The following ADGB variants were observed in gnomAD, a reference collection of about 807,000 sequenced individuals.
ADGB encodes the protein androglobin.
ADGB carries 172 observed loss-of-function variants against 210.5 expected under a neutral mutation model. The ratio of observed to expected loss-of-function variants is 0.82; its 90% CI spans 0.72 to 0.93. The LOEUF is 0.93. Among genes scored for constraint, ADGB ranks in the 40% least tolerant of loss-of-function variants. The pLI, the probability that ADGB is intolerant of heterozygous loss-of-function variation, is 0.00. For missense variants in ADGB, 2,025 were observed against 1,964.8 expected (o/e 1.03, Z -0.58); for synonymous variants, 658 against 662.7 (o/e 0.99, Z 0.11).
intron 4 of ADGB, among the ~76,000 whole-genome samples, chr6:146,655,272 A>T (rs1775763022): frequency 6.6e-6 from 1 of 152,152 alleles, no homozygotes; most frequent in Non-Finnish European, 1.5e-5. Flanking sequence ...GCCCTATGCC[A>T]TGTCAAGAGG....
chr6:146,696,344 G>A (rs1208806804), intron 12 of ADGB, among the ~76,000 whole-genome samples: 1 of 149,302 alleles, frequency 6.7e-6, no homozygotes. Flanking sequence ...CCAAAGTGCT[G>A]GGATTACAGG....
intron 13 of ADGB, among the ~76,000 whole-genome samples, chr6:146,701,901 C>G (rs1446724808): frequency 6.6e-6 from 1 of 151,830 alleles, no homozygotes; most frequent in African/African-American, 2.4e-5. Flanking sequence ...GCTGTAATTT[C>G]AAAGTAGTAA....
intron 1 of ADGB, among the ~76,000 whole-genome samples, chr6:146,624,029 GT>G (rs1780937470): frequency 6.6e-6 from 1 of 151,778 alleles, no homozygotes; most frequent in Admixed American, 6.6e-5. Context: ...TTGGGTTCCA[GT>G]TTTCTTTTAT....
intron 33 of ADGB, among the ~76,000 whole-genome samples, chr6:146,798,635 C>A (rs1049497174): frequency 1.6e-4 from 24 of 151,512 alleles, no homozygotes; most frequent in African/African-American, 5.6e-4. Context: ...AAACTGTATT[C>A]TCCGACAACA....
intron 2 of ADGB, among the ~76,000 whole-genome samples, chr6:146,643,667 T>A (rs558074280): frequency 2.0e-5 from 3 of 151,974 alleles, no homozygotes; most frequent in South Asian, 4.1e-4. Context: ...AATTGCATTC[T>A]TGGGCATTTA....
At position 146,803,723 on chromosome 6, in the gene ADGB, CCGGCGCCTCATGGTACCG is replaced by C. The variant is rs1778166346; in HGVS notation, c.4818+1723_4818+1740del. 3.1e-6 allele frequency: 3 copies of C among 977,494 alleles called. No homozygotes were observed. In the South Asian group the frequency reaches 4.3e-5, roughly 14 times the overall value. The allele number at this position is 977,494 out of a possible 1,614,324, so 60.6% of individuals were successfully genotyped here. Reference sequence around the variant, plus strand: ...TTCCGATGCCATAATCTCTTAAGTACCGGCGCCTCATGGTACCGCGGCGCCTCAGCCCAGCCTCCGCGC... The same window carrying C: ...TTCCGATGCCATAATCTCTTAAGTACCGGCGCCTCAGCCCAGCCTCCGCGC... On this transcript the variant is annotated intron_variant, in intron 35 of 35. Coordinates refer to ENST00000397944, the MANE Select transcript of ADGB (RefSeq NM_024694.4).
rs191839983 is a variant in ADGB, at chr6:146,630,121, C to T, written c.75-5254C>T. 3.3e-3 allele frequency among the ~76,000 whole-genome samples: 507 copies of T among 152,008 alleles called. 2 individuals are homozygous for T. Among genetic ancestry groups the T allele is most frequent in the African/African-American group, 0.011 (468 of 41,454 alleles). On this transcript the variant is annotated intron_variant, in intron 1 of 35. Transcript: ENST00000397944. ...GCATGGTGGCAGGTGCCTGTAGTCC[C>T]AGATGCTCAGGAGGCTGAAGGAGGA...
intron 29 of ADGB, among the ~76,000 whole-genome samples, chr6:146,779,765 T>C (rs924439402): frequency 8.6e-5 from 13 of 151,306 alleles, no homozygotes; most frequent in African/African-American, 2.9e-4. Context: ...AAAAAACAAC[T>C]GAAAATATTT....
At chr6:146,766,391 C>T (rs1777573609) in intron 28 of ADGB, among the ~76,000 whole-genome samples, 1 of 151,438 alleles carries the variant, frequency 6.6e-6, no homozygotes, top group African/African-American at 2.4e-5. Context: ...TGTACCACTG[C>T]ATTCCAGGCT....
intron 7 of ADGB, among the ~76,000 whole-genome samples, chr6:146,670,880 C>T (rs116788055): frequency 0.013 from 2,001 of 152,258 alleles, 44 homozygotes; most frequent in African/African-American, 0.045. Flanking sequence ...TCTTTGGGAA[C>T]TCAGAACAGA....
intron 5 of ADGB, among the ~76,000 whole-genome samples, chr6:146,660,486 T>A (rs139053704): frequency 6.6e-6 from 1 of 152,144 alleles, no homozygotes; most frequent in East Asian, 1.9e-4. Context: ...CATAAAGCTA[T>A]TGTACATAAT....
intron 8 of ADGB, among the ~76,000 whole-genome samples, chr6:146,674,516 T>C (rs9485111): frequency 0.28 from 42,985 of 151,976 alleles, 7,000 homozygotes; most frequent in African/African-American, 0.45. Context: ...GGGCACAGGT[T>C]ATGGGAGAGT....
At chr6:146,755,618 T>C (rs1777395513) in intron 27 of ADGB, among the ~76,000 whole-genome samples, 1 of 152,092 alleles carries the variant, frequency 6.6e-6, no homozygotes, top group African/African-American at 2.4e-5. Flanking sequence ...CCTCTTTCCT[T>C]TATAAATTAT....
At chr6:146,625,313 A>G (rs1213926487) in intron 1 of ADGB, among the ~76,000 whole-genome samples, 1 of 152,110 alleles carries the variant, frequency 6.6e-6, no homozygotes, top group Non-Finnish European at 1.5e-5. Flanking sequence ...TGTTATTATG[A>G]AATCACATTC....
chr6:146,794,135 G>T (rs573197019), intron 33 of ADGB, among the ~76,000 whole-genome samples: 38 of 152,144 alleles, frequency 2.5e-4, no homozygotes, highest in Non-Finnish European at 5.0e-4. Flanking sequence ...CTGATTTCCT[G>T]GGGTAATGTT....
chr6:146,763,630 T>C (rs1182840749), intron 27 of ADGB, among the ~76,000 whole-genome samples: 1 of 152,166 alleles, frequency 6.6e-6, no homozygotes, highest in Non-Finnish European at 1.5e-5. Flanking sequence ...GTCATTCAAG[T>C]GGCACAAAAT....
chr6:146,747,006 G>T (rs1314522961), intron 26 of ADGB, among the ~76,000 whole-genome samples: 1 of 151,914 alleles, frequency 6.6e-6, no homozygotes, highest in African/African-American at 2.4e-5. Context: ...TAATTAGTTG[G>T]CTCTGGTCAT....
In ADGB at chr6:146,717,565, C is replaced by G. The variant is rs564673148; in HGVS notation, c.1958C>G (p.Ser653Ter). 1 of 1,409,698 alleles carries G rather than the reference C, an allele frequency of 7.1e-7. No individual in the cohort carries two copies. The highest frequency in any genetic ancestry group is 1.5e-5 in the African/African-American group (1 of 68,808). 87.3% of individuals were successfully genotyped at this position (1,409,698 alleles called of 1,614,324 possible). The change falls in exon 16 of 36, where the codon TCA (serine) becomes TGA (stop). Residue 653 changes from serine (S) to a stop codon, truncating the protein, a stop_gained. Coordinates refer to ENST00000397944, the MANE Select transcript of ADGB (RefSeq NM_024694.4). LOFTEE classifies it high-confidence loss of function. ...ATATATATTTTCCACAAGCCAAGTT[C>G]ATATTGCCTTAACTTTCAAAAATCA... The part of the protein sequence containing the change: ...QNIYIFHKPS[S>*]YCLNFQKSEF...
At chr6:146,643,297 AACCTG>A (rs1775545767) in intron 2 of ADGB, among the ~76,000 whole-genome samples, 1 of 151,906 alleles carries the variant, frequency 6.6e-6, no homozygotes, top group Non-Finnish European at 1.5e-5. Flanking sequence ...CCTCAAATAT[AACCTG>A]TTTCTCAGGC....
Sources: gnomAD v4.1 joint callset for allele counts (sites outside exome capture counted in the v4.1 genomes callset) on GRCh38, gnomAD v4.1.1 for gene constraint, MANE v1.5 for transcripts, NCBI Gene and HGNC (gene_info 2026-07-23, HGNC 2026-07-21) for gene names.